MEAF6: variants seen among roughly 807,000 people sequenced by gnomAD.
MEAF6 encodes the protein MYST/Esa1 associated factor 6.
MEAF6 carries 15 observed loss-of-function variants against 28.9 expected under a neutral mutation model. The observed-to-expected ratio is 0.52, with a 90% CI of 0.35 to 0.80. The LOEUF is 0.80. MEAF6 is among the 30% of genes least tolerant of loss of function. The pLI, the probability that MEAF6 is intolerant of heterozygous loss-of-function variation, is 0.01. For missense variants in MEAF6, 178 were observed against 237.5 expected (o/e 0.75, Z 1.65); for synonymous variants, 97 against 88.7 (o/e 1.09, Z -0.53).
chr1:37,504,377 ATACT>A (rs1436599017), intron 4 of MEAF6, among the ~76,000 whole-genome samples: 2 of 152,186 alleles, frequency 1.3e-5, no homozygotes, highest in African/African-American at 2.4e-5. Flanking sequence ...CTTTATATAT[ATACT>A]TATTTTTCCT....
intron 2 of MEAF6, among the ~76,000 whole-genome samples, chr1:37,511,256 G>T (rs1642660458): frequency 6.6e-6 from 1 of 152,194 alleles, no homozygotes; most frequent in Non-Finnish European, 1.5e-5. Flanking sequence ...CGACAAACAA[G>T]CCAGCTTGAG....
intron 6 of MEAF6, among the ~76,000 whole-genome samples, chr1:37,495,552 G>A (rs1049352605): frequency 6.6e-6 from 1 of 150,716 alleles, no homozygotes; most frequent in Non-Finnish European, 1.5e-5. Context: ...ACAAAAATTA[G>A]CCAGGCAAGG....
intron 4 of MEAF6, among the ~76,000 whole-genome samples, chr1:37,505,112 G>A (rs1435638293): frequency 2.0e-5 from 3 of 152,118 alleles, no homozygotes; most frequent in Non-Finnish European, 4.4e-5. Context: ...TCAAACTCCT[G>A]ACCTCAGGTG....
rs192471693 is a variant in MEAF6 at position 37,497,733 on chromosome 1, A to C, written c.534-1815T>G. ...CAGCCTCCCTAGCAGCTGGGATTAC[A>C]GGCGCCTGCCACTAGGTCCAGCTAA... is the stretch of plus-strand genomic sequence containing the variant. On this transcript the variant is annotated intron_variant, in intron 5 of 6. Coordinates refer to ENST00000296214, the MANE Select transcript of MEAF6 (RefSeq NM_001270875.3). 3.5e-4 allele frequency among the ~76,000 whole-genome samples: 54 copies of C among 152,176 alleles called. No homozygotes were observed. In the East Asian group the frequency reaches 7.7e-3, roughly 22 times the overall value.
At chr1:37,495,105 C>T (rs1327582255) in intron 6 of MEAF6, among the ~76,000 whole-genome samples, 4 of 150,856 alleles carry the variant, frequency 2.7e-5, no homozygotes, top group East Asian at 4.0e-4. Context: ...GAGGCTGAGG[C>T]GGGTGGATCA....
rs1016825793 is a variant in MEAF6 at position 37,491,475 on chromosome 1, G to C, written c.*2624C>G. On this transcript the variant is annotated 3_prime_UTR_variant, in exon 7 of 7. Transcript: ENST00000296214. ...AGGCCAAGGCAGAAGGACTGCTTGA[G>C]GCCAGGAGGACTGCTTGAGGCCAGC... Among the ~76,000 whole-genome samples, 1 of 152,150 alleles carries C rather than the reference G, an allele frequency of 6.6e-6. No homozygotes were observed. The highest frequency in any genetic ancestry group is 2.4e-5 in the African/African-American group (1 of 41,414).
chr1:37,494,636 G>A (rs140505038), intron 6 of MEAF6, among the ~76,000 whole-genome samples: 28 of 151,870 alleles, frequency 1.8e-4, no homozygotes, highest in African/African-American at 6.0e-4. Flanking sequence ...CTCGAGACCA[G>A]CCTGGGTAAC....
chr1:37,495,966 T>C (rs2148062162), intron 5 of MEAF6, 48 bp from the exon 6 acceptor site: 2 of 1,542,468 alleles, frequency 1.3e-6, no homozygotes, highest in Non-Finnish European at 1.8e-6. Context: ...TTACAGAAAA[T>C]GGGTCCCACA....
intron 1 of MEAF6, 177 bp from the exon 2 acceptor site, chr1:37,513,715 C>T (rs1296757158): frequency 6.6e-6 from 4 of 609,768 alleles, no homozygotes; most frequent in South Asian, 1.9e-5. Context: ...ACAGTCTAGA[C>T]CTTTGGGGGT....
chr1:37,513,488 G>A lies in MEAF6; in HGVS notation c.141C>T (p.Tyr47=), dbSNP rs780588540. 1.2e-6 allele frequency: 2 copies of A among 1,614,170 alleles called. No individual in the cohort carries two copies. The highest frequency in any genetic ancestry group is 2.2e-5 in the South Asian group (2 of 91,082). ...ERQIYAFEGS[Y]LEDTQMYGNI... ...TGCCATACATCTGAGTGTCTTCCAG[G>A]TAGCTTCCCTCAAAAGCATAGATCT... Residue 47 remains tyrosine (Y), a synonymous_variant, in exon 2 of 7, where the codon TAC becomes TAT. Transcript: ENST00000296214.
At position 37,514,760 on chromosome 1, in the gene MEAF6, G is replaced by C. The variant is rs549130594; in HGVS notation, c.-14C>G. 2 of 1,443,736 alleles carry C rather than the reference G, an allele frequency of 1.4e-6. No individual in the cohort carries two copies. Among genetic ancestry groups the C allele is most frequent in the Admixed American group, 2.4e-5 (1 of 42,180 alleles). The allele number at this position is 1,443,736 out of a possible 1,614,324, so 89.4% of individuals were successfully genotyped here. A position where few individuals can be genotyped will look rare whatever the true frequency, so the allele number is the denominator to read the frequency against. ...GTGCATCGCCATGTTGGGCTGAGGC[G>C]GGCGGCGGCGGCGCGAGGTTGGGGG... is the stretch of plus-strand genomic sequence containing the variant. On this transcript the variant is annotated 5_prime_UTR_variant, in exon 1 of 7. Transcript: ENST00000296214.
At chr1:37,511,853 G>A (rs1258461950) in intron 2 of MEAF6, among the ~76,000 whole-genome samples, 2 of 152,192 alleles carry the variant, frequency 1.3e-5, no homozygotes, top group East Asian at 3.8e-4. Context: ...ATGCATGAAT[G>A]CTTACTGAAT....
intron 2 of MEAF6, among the ~76,000 whole-genome samples, chr1:37,509,821 C>T (rs548694520): frequency 3.7e-4 from 57 of 152,232 alleles, no homozygotes; most frequent in East Asian, 1.5e-3. Context: ...CTGTCGCCTA[C>T]GCTGGAGTGC....
rs951316047 is a variant in MEAF6, at chr1:37,491,165, C to T, written c.*2934G>A. On this transcript the variant is annotated 3_prime_UTR_variant, in exon 7 of 7. Coordinates refer to ENST00000296214, the MANE Select transcript of MEAF6 (RefSeq NM_001270875.3). ...TAACTTTCAAGCTTAGACTATTTAT[C>T]GCTCATTTTAATTATCTTCTTTACT... 6.6e-5 allele frequency among the ~76,000 whole-genome samples: 10 copies of T among 152,176 alleles called. No homozygotes were observed. Among genetic ancestry groups the T allele is most frequent in the Admixed American group, 1.3e-4 (2 of 15,272 alleles).
intron 5 of MEAF6, among the ~76,000 whole-genome samples, chr1:37,499,400 C>T (rs900643401): frequency 1.3e-5 from 2 of 152,310 alleles, no homozygotes; most frequent in East Asian, 3.9e-4. Flanking sequence ...GCTCTGTCCC[C>T]ACCCCAATCT....
At chr1:37,505,449 A>T (rs1345774564) in intron 4 of MEAF6, among the ~76,000 whole-genome samples, 1 of 152,126 alleles carries the variant, frequency 6.6e-6, no homozygotes, top group Non-Finnish European at 1.5e-5. Context: ...GCCCAACACA[A>T]ATTTGTAAAC....
At chr1:37,495,855 C>A in intron 6 of MEAF6, 30 bp downstream of exon 6, 1 of 1,612,766 alleles carries the variant, frequency 6.2e-7, no homozygotes, top group Admixed American at 1.7e-5. Context: ...AAATTGCCAG[C>A]CTCTCTGAAG....
chr1:37,490,527 G>A lies in MEAF6; in HGVS notation c.*3572C>T, dbSNP rs754375463. 6.6e-6 allele frequency among the ~76,000 whole-genome samples: 1 copy of A among 152,094 alleles called. No individual in the cohort carries two copies. The highest frequency in any genetic ancestry group is 2.1e-4 in the South Asian group (1 of 4,826). On this transcript the variant is annotated 3_prime_UTR_variant, in exon 7 of 7. Transcript: ENST00000296214. ...ACCAGTATAGTCCCCCTGTAGTCAA[G>A]GCTTCAGATGTCAATTTTCTGTTGG...
chr1:37,491,674 G>A lies in MEAF6; in HGVS notation c.*2425C>T, dbSNP rs1641933111. Among the ~76,000 whole-genome samples, 2 of 151,480 alleles carry A rather than the reference G, an allele frequency of 1.3e-5. No homozygotes were observed. Among genetic ancestry groups the A allele is most frequent in the Admixed American group, 6.6e-5 (1 of 15,114 alleles). Reference sequence around the variant, plus strand: ...TGATCAGGCCGCTGCACTCCAGCCTGGGTGACAGAGCAAGATCCTGTCAAT... The same window carrying A: ...TGATCAGGCCGCTGCACTCCAGCCTAGGTGACAGAGCAAGATCCTGTCAAT... On this transcript the variant is annotated 3_prime_UTR_variant, in exon 7 of 7. Transcript: ENST00000296214.
Sources: gnomAD v4.1 joint callset for allele counts (sites outside exome capture counted in the v4.1 genomes callset) on GRCh38, gnomAD v4.1.1 for gene constraint, MANE v1.5 for transcripts, NCBI Gene and HGNC (gene_info 2026-07-23, HGNC 2026-07-21) for gene names.